CLTC: variants seen among roughly 807,000 people sequenced by gnomAD.
CLTC encodes the protein clathrin heavy chain 1.
CLTC carries 16 observed loss-of-function variants against 195.8 expected under a neutral mutation model. That is an observed-to-expected ratio of 0.08 (90% CI 0.06 to 0.12). CLTC has a LOEUF of 0.12. Among genes scored for constraint, CLTC ranks in the 10% least tolerant of loss-of-function variants. The pLI, the probability that CLTC is intolerant of heterozygous loss-of-function variation, is 1.00. For missense variants in CLTC, 796 were observed against 2,027.0 expected (o/e 0.39, Z 11.66); for synonymous variants, 667 against 689.4 (o/e 0.97, Z 0.51).
At chr17:59,646,014 C>T in intron 2 of CLTC, 1 of 809,462 alleles carries the variant, frequency 1.2e-6, no homozygotes, top group Non-Finnish European at 1.5e-6. Context: ...CTTATGTGTG[C>T]AGATGGTGAG....
intron 1 of CLTC, among the ~76,000 whole-genome samples, chr17:59,637,151 G>A (rs1487787272): frequency 6.6e-6 from 1 of 151,902 alleles, no homozygotes; most frequent in Non-Finnish European, 1.5e-5. Flanking sequence ...CAGAAAACCA[G>A]TCCATATTCA....
chr17:59,623,855 C>T (rs1012641726), intron 1 of CLTC, among the ~76,000 whole-genome samples: 1 of 152,130 alleles, frequency 6.6e-6, no homozygotes, highest in African/African-American at 2.4e-5. Context: ...TAAATTTTTG[C>T]TTTAATTTCT....
intron 1 of CLTC, among the ~76,000 whole-genome samples, chr17:59,634,078 T>G (rs966373133): frequency 2.4e-4 from 36 of 152,182 alleles, no homozygotes; most frequent in Admixed American, 9.2e-4. Context: ...CTGGACAGTT[T>G]TTTTATTTTT....
chr17:59,677,324 T>G, intron 17 of CLTC, 136 bp downstream of exon 17: 1 of 650,518 alleles, frequency 1.5e-6, no homozygotes, highest in South Asian at 1.9e-5. Flanking sequence ...TTGGAAATAA[T>G]TGTGAATCTG....
intron 1 of CLTC, among the ~76,000 whole-genome samples, chr17:59,642,188 A>T (rs576643098): frequency 2.0e-5 from 3 of 152,110 alleles, no homozygotes; most frequent in African/African-American, 7.2e-5. Flanking sequence ...GTCATCTTCC[A>T]CCTGCCTCTG....
intron 28 of CLTC, 41 bp downstream of exon 28, chr17:59,684,026 A>G: frequency 8.1e-7 from 1 of 1,241,230 alleles, no homozygotes; most frequent in South Asian, 1.3e-5. Context: ...CAAGACTCAT[A>G]AAGTTATGTT....
rs539468311 is a variant in CLTC at position 59,694,386 on chromosome 17, T to C, written c.*534T>C. The C allele has an allele frequency of 3.6e-5, 8 of 224,472 alleles. No homozygotes were observed. In the South Asian group the frequency reaches 1.3e-3, roughly 36 times the overall value. The allele number at this position is 224,472 out of a possible 1,614,324, so 13.9% of individuals were successfully genotyped here. On this transcript the variant is annotated 3_prime_UTR_variant, in exon 32 of 32. Coordinates refer to ENST00000269122, the MANE Select transcript of CLTC (RefSeq NM_004859.4). ...CACTGGATTGCAGTGCTTCCCAGAT[T>C]ATTGAAAAATGTTACAGACAACTTG... is the stretch of plus-strand genomic sequence containing the variant.
At chr17:59,630,945 A>G (rs2031694436) in intron 1 of CLTC, among the ~76,000 whole-genome samples, 2 of 152,172 alleles carry the variant, frequency 1.3e-5, no homozygotes, top group South Asian at 2.1e-4. Context: ...GTCATATGGT[A>G]ATTTCTCTGT....
chr17:59,630,142 A>C (rs981252191), intron 1 of CLTC, among the ~76,000 whole-genome samples: 1 of 152,138 alleles, frequency 6.6e-6, no homozygotes, highest in South Asian at 2.1e-4. Context: ...CTAGGACTAC[A>C]GGCGTGTGCC....
chr17:59,625,082 C>A (rs1341456576), intron 1 of CLTC, among the ~76,000 whole-genome samples: 1 of 151,576 alleles, frequency 6.6e-6, no homozygotes, highest in Non-Finnish European at 1.5e-5. Context: ...CTTTTTCATA[C>A]TAAATTTTCT....
chr17:59,688,950 C>T (rs1399463758), intron 30 of CLTC, among the ~76,000 whole-genome samples: 1 of 151,996 alleles, frequency 6.6e-6, no homozygotes, highest in East Asian at 1.9e-4. Flanking sequence ...TTAGCAAAAC[C>T]CCATCTGATC....
rs1445062545 is a variant in CLTC at position 59,682,255 on chromosome 17, C to T, written c.3443-16C>T. On this transcript the variant is annotated splice_polypyrimidine_tract_variant and intron_variant, in intron 21 of 31. Transcript: ENST00000269122. This position sits in a 1 kb window ranked among gnomAD's most constrained non-coding sequence, Gnocchi z 6.8. ...ATGTTAGTGTTTGGATATATTTTTT[C>T]TTTTTCTATACTTAGGAAACTGGGA... The T allele has an allele frequency of 7.5e-6, 12 of 1,597,042 alleles. No homozygotes were observed. In the Admixed American group the frequency reaches 1.1e-4, roughly 14 times the overall value.
intron 4 of CLTC, among the ~76,000 whole-genome samples, chr17:59,649,919 A>G (rs1416282243): frequency 1.3e-5 from 2 of 152,230 alleles, no homozygotes; most frequent in African/African-American, 4.8e-5. Context: ...TCTACTAGAA[A>G]AAAGTTTCAA....
At chr17:59,674,967 T>TCTATGTTAGGTGTCTTC in intron 16 of CLTC, 124 bp downstream of exon 16, 1 of 959,436 alleles carries the variant, frequency 1.0e-6, no homozygotes, top group Non-Finnish European at 1.6e-6. Flanking sequence ...TGAAGACACC[T>TCTATGTTAGGTGTCTTC]AACATAGAGG....
intron 2 of CLTC, among the ~76,000 whole-genome samples, chr17:59,647,088 G>T (rs1338052354): frequency 6.6e-6 from 1 of 152,182 alleles, no homozygotes; most frequent in Non-Finnish European, 1.5e-5. Flanking sequence ...GAAGGTGACA[G>T]CTTTGTTTTC....
chr17:59,684,984 CATTG>C (rs997963222), intron 28 of CLTC, 68 bp from the exon 29 acceptor site: 20 of 1,222,218 alleles, frequency 1.6e-5, no homozygotes, highest in Middle Eastern at 3.0e-4. Flanking sequence ...CTAAGGGGCT[CATTG>C]ATTGAGAACG....
chr17:59,627,360 C>G (rs541389197), intron 1 of CLTC, among the ~76,000 whole-genome samples: 1 of 152,202 alleles, frequency 6.6e-6, no homozygotes, highest in Admixed American at 6.5e-5. Flanking sequence ...GCAAGAGAAC[C>G]CTTGTGCTTA....
chr17:59,658,800 CT>C (rs2032539149), intron 6 of CLTC: 1 of 152,038 alleles, frequency 6.6e-6, no homozygotes, highest in East Asian at 1.9e-4. Flanking sequence ...GTGGGGAAAC[CT>C]AAGGTAAGAT....
intron 6 of CLTC, among the ~76,000 whole-genome samples, 160 bp from the exon 7 acceptor site, chr17:59,660,231 C>T (rs1053126692): frequency 6.6e-6 from 1 of 152,012 alleles, no homozygotes; most frequent in Non-Finnish European, 1.5e-5. Context: ...TTTTTTTCTC[C>T]TTGTCTTCCT....
Sources: allele counts gnomAD v4.1 joint callset (sites outside exome capture counted in the v4.1 genomes callset), GRCh38; gene constraint gnomAD v4.1.1; non-coding constraint Gnocchi (gnomAD v3.1); transcripts MANE v1.5; gene names NCBI Gene and HGNC (gene_info 2026-07-23, HGNC 2026-07-21).